Variants in DNAH11 observed in about 807,000 individuals in gnomAD.
The protein encoded by DNAH11 is axonemal beta dynein heavy chain 11.
A neutral mutation model predicts 526.0 loss-of-function variants in DNAH11; 442 were observed. The ratio of observed to expected loss-of-function variants is 0.84; its 90% CI spans 0.78 to 0.91. The LOEUF (loss-of-function observed/expected upper bound fraction) is 0.91, where lower values mean the gene tolerates loss of function less well. Among genes scored for constraint, DNAH11 ranks in the 40% least tolerant of loss-of-function variants. The probability of loss-of-function intolerance (pLI) is 0.00; values close to 1 mark genes in which losing one functional copy is unlikely to be tolerated. For missense variants in DNAH11, 6,989 were observed against 5,448.7 expected, an observed-to-expected ratio of 1.28 and a Z score of -8.90; for synonymous variants, 2,461 against 1,935.9, an observed-to-expected ratio of 1.27 and a Z score of -7.12.
At chr7:21,664,981 C>G (rs1388466112) in intron 30 of DNAH11, among the ~76,000 whole-genome samples, 3 of 152,070 alleles carry the variant, frequency 2.0e-5, no homozygotes, top group Admixed American at 2.0e-4. Flanking sequence ...TGTCCAAATT[C>G]TTTGAGCTGC....
At chr7:21,750,056 C>T (rs759936283) in intron 53 of DNAH11, among the ~76,000 whole-genome samples, 166 bp from the exon 54 acceptor site, 2 of 152,124 alleles carry the variant, frequency 1.3e-5, no homozygotes, top group African/African-American at 2.4e-5. Context: ...TCGTCTTCAA[C>T]GTGTTGTATG....
chr7:21,874,224 G>A (rs79168779), intron 74 of DNAH11, among the ~76,000 whole-genome samples: 2 of 59,594 alleles, frequency 3.4e-5, no homozygotes, highest in African/African-American at 6.5e-5. Flanking sequence ...GTTTTAGCCC[G>A]GTTTGATATG....
chr7:21,852,573 C>G lies in DNAH11; in HGVS notation c.11003C>G (p.Thr3668Ser), dbSNP rs745402723. 6.2e-7 allele frequency: 1 copy of G among 1,611,746 alleles called. No homozygotes were observed. The highest frequency in any genetic ancestry group is 1.7e-5 in the Admixed American group (1 of 59,594). The part of the protein sequence containing the change: ...SAAEGSFLDD[T>S]KLVERLEATK... ...GCAGAGGGAAGCTTTCTGGATGACA[C>G]CAAACTGGTAGAGAGATTGGAGGCA... The change falls in exon 67 of 82, where the codon ACC (threonine) becomes AGC (serine). Residue 3668 changes from threonine (T) to serine (S), a missense_variant. Physicochemically the swap from Thr to Ser is moderately conservative, Grantham distance 58. Transcript: ENST00000409508.
chr7:21,782,611 C>G (rs1371996341), intron 57 of DNAH11, among the ~76,000 whole-genome samples: 1 of 152,140 alleles, frequency 6.6e-6, no homozygotes, highest in Non-Finnish European at 1.5e-5. Flanking sequence ...AGCTCCTAGG[C>G]TGATAGAAAT....
At chr7:21,737,467 T>G (rs1034731368) in intron 46 of DNAH11, among the ~76,000 whole-genome samples, 1 of 152,202 alleles carries the variant, frequency 6.6e-6, no homozygotes, top group East Asian at 1.9e-4. Context: ...GTATTTCATT[T>G]GATGGAAAAT....
intron 18 of DNAH11, among the ~76,000 whole-genome samples, chr7:21,605,561 A>G (rs1213822615): frequency 6.6e-6 from 1 of 152,190 alleles, no homozygotes; most frequent in Admixed American, 6.5e-5. Context: ...TTCTCCCTTC[A>G]AAAACTCCTA....
At chr7:21,747,320 A>G (rs1786191706) in intron 51 of DNAH11, among the ~76,000 whole-genome samples, 1 of 152,188 alleles carries the variant, frequency 6.6e-6, no homozygotes, top group Non-Finnish European at 1.5e-5. Context: ...AAATGTTCAC[A>G]TGTGCTGGTC....
rs749567728 is a variant in DNAH11 at position 21,690,757 on chromosome 7, T to A, written c.5925-8T>A. ...CATTTAATTTCATCAACATTCTTTT[T>A]ATGGTAGATTTGTATTTCTTGGGGA... is the stretch of plus-strand genomic sequence containing the variant. On this transcript the variant is annotated splice_region_variant and splice_polypyrimidine_tract_variant and intron_variant, in intron 34 of 81. Transcript: ENST00000409508. The A allele has an allele frequency of 6.3e-6, 10 of 1,588,732 alleles. No individual in the cohort carries two copies. In the South Asian group the frequency reaches 1.1e-4, roughly 18 times the overall value.
At chr7:21,793,355 C>A (rs139285611) in intron 61 of DNAH11, among the ~76,000 whole-genome samples, 155 of 152,314 alleles carry the variant, frequency 1.0e-3, no homozygotes, top group African/African-American at 3.7e-3. Context: ...TGGTGGCTCA[C>A]GCCTATAATC....
At chr7:21,564,818 A>G (rs375769239) in intron 6 of DNAH11, among the ~76,000 whole-genome samples, 9 of 152,282 alleles carry the variant, frequency 5.9e-5, no homozygotes, top group African/African-American at 2.2e-4. Flanking sequence ...AATTGTATTG[A>G]AAAAATTCTG....
intron 76 of DNAH11, among the ~76,000 whole-genome samples, chr7:21,891,006 T>C (rs1784307416): frequency 6.6e-6 from 1 of 152,218 alleles, no homozygotes; most frequent in Non-Finnish European, 1.5e-5. Flanking sequence ...ATTAAGGACA[T>C]AGGCTTTCTA....
At chr7:21,694,670 A>G (rs60836746) in intron 35 of DNAH11, among the ~76,000 whole-genome samples, 20,644 of 152,098 alleles carry the variant, frequency 0.14, 1,429 homozygotes, top group East Asian at 0.21. Flanking sequence ...ACATGTGTAT[A>G]CGTCTTTATA....
chr7:21,570,381 T>C, intron 7 of DNAH11, 82 bp downstream of exon 7: 1 of 1,152,586 alleles, frequency 8.7e-7, no homozygotes. Context: ...CATGGAACAG[T>C]TTACTTTATA....
intron 65 of DNAH11, among the ~76,000 whole-genome samples, chr7:21,837,934 C>G (rs1051207920): frequency 1.3e-5 from 2 of 152,106 alleles, no homozygotes; most frequent in African/African-American, 4.8e-5. Flanking sequence ...TGAAACATCT[C>G]ATGGGGCCCC....
In DNAH11 at chr7:21,720,866, G is replaced by C; in HGVS notation, c.7266+10G>C. The C allele has an allele frequency of 1.9e-6, 3 of 1,610,290 alleles. No homozygotes were observed. The South Asian group carries it at 3.3e-5, about 18-fold the overall frequency. ...CCTGCTACAAGATCAGGTATGTTTA[G>C]AAATAGTTTACAGGACCAGTTTCCA... On this transcript the variant is annotated intron_variant, in intron 44 of 81. Coordinates refer to ENST00000409508, the MANE Select transcript of DNAH11 (RefSeq NM_001277115.2).
Position 21,572,506 on chromosome 7 carries a change from T to C in DNAH11, c.1593+533T>C, listed in dbSNP as rs573845482. Among the ~76,000 whole-genome samples the C allele has an allele frequency of 7.2e-5, 11 of 152,296 alleles. No individual in the cohort carries two copies. In the East Asian group the frequency reaches 1.7e-3, roughly 24 times the overall value. On this transcript the variant is annotated intron_variant, in intron 8 of 81. Transcript: ENST00000409508. Reference sequence around the variant, plus strand: ...CTTCTGTGCTCTGTCAGTTCCAGCATGTTAGTAGCCAGGGAGCTACCTGTG... The same window carrying C: ...CTTCTGTGCTCTGTCAGTTCCAGCACGTTAGTAGCCAGGGAGCTACCTGTG...
At chr7:21,704,401 A>T (rs934782820) in intron 37 of DNAH11, 33 bp from the exon 38 acceptor site, 2 of 1,577,460 alleles carry the variant, frequency 1.3e-6, no homozygotes, top group Non-Finnish European at 1.7e-6. Context: ...TAGACCTTGT[A>T]TTGGCTTTTT....
chr7:21,789,808 T>TCTTTCTTTCTTTCTTCTTTCTTTCTTTC, intron 61 of DNAH11, among the ~76,000 whole-genome samples: 1 of 34,084 alleles, frequency 2.9e-5, no homozygotes, highest in Non-Finnish European at 7.4e-5. Flanking sequence ...TTTCTTTCTT[T>TCTTTCTTTCTTTCTTCTTTCTTTCTTTC]TTTCTTTCTT....
intron 25 of DNAH11, among the ~76,000 whole-genome samples, chr7:21,621,773 C>T (rs1448208811): frequency 1.3e-5 from 2 of 152,020 alleles, no homozygotes; most frequent in East Asian, 3.9e-4. Context: ...AATTCAACAA[C>T]CTTCATGCTA....
Sources: gnomAD v4.1 joint callset for allele counts (sites outside exome capture counted in the v4.1 genomes callset) on GRCh38, gnomAD v4.1.1 for gene constraint, MANE v1.5 for transcripts, NCBI Gene and HGNC (gene_info 2026-07-23, HGNC 2026-07-21) for gene names.